The following PCDH15 variants were observed in gnomAD, a reference collection of about 807,000 sequenced individuals.
PCDH15 encodes protocadherin-15.
PCDH15 carries 129 observed loss-of-function variants against 178.5 expected under a neutral mutation model. The ratio of observed to expected loss-of-function variants is 0.72; its 90% confidence interval spans 0.63 to 0.84. The LOEUF is 0.84. Among genes scored for constraint, PCDH15 ranks in the 40% least tolerant of loss-of-function variants. The probability of loss-of-function intolerance (pLI) is 0.00; values close to 1 mark genes in which losing one functional copy is unlikely to be tolerated. For synonymous variants in PCDH15, 800 were observed against 732.0 expected, an observed-to-expected ratio of 1.09 and a Z score of -1.50; for missense variants, 2,230 against 2,099.9, an observed-to-expected ratio of 1.06 and a Z score of -1.21.
chr10:55,041,756 A>C (rs900068581), intron 2 of PCDH15, among the ~76,000 whole-genome samples: 2 of 152,278 alleles, frequency 1.3e-5, no homozygotes, highest in African/African-American at 4.8e-5. Flanking sequence ...TGGTGCCCCA[A>C]TATAATTTTG....
At chr10:54,423,970 T>A (rs7089823) in intron 3 of PCDH15, among the ~76,000 whole-genome samples, 1 of 151,416 alleles carries the variant, frequency 6.6e-6, no homozygotes, top group Admixed American at 6.6e-5. Flanking sequence ...ACTTCATGTC[T>A]AAAGCACCAA....
At chr10:54,019,185 C>A (rs756319911) in intron 20 of PCDH15, among the ~76,000 whole-genome samples, 50 of 151,938 alleles carry the variant, frequency 3.3e-4, no homozygotes, top group South Asian at 1.0e-3. Flanking sequence ...TTTTAAGTTT[C>A]TATTTTCTTC....
At position 55,221,640 on chromosome 10, in the gene PCDH15, A is replaced by G. The variant is rs193057357; in HGVS notation, c.-155-54989T>C. On this transcript the variant is annotated intron_variant, in intron 1 of 5. Coordinates refer to the PCDH15 transcript ENST00000458638. Reference sequence around the variant, plus strand: ...TTAAGCTGAAATCTCATTCAGCTCCAGAATTAATTTCAAGTTACCAGTGTG... The same window carrying G: ...TTAAGCTGAAATCTCATTCAGCTCCGGAATTAATTTCAAGTTACCAGTGTG... Among the ~76,000 whole-genome samples, 679 of 152,176 alleles carry G rather than the reference A, an allele frequency of 4.5e-3. 3 individuals carry two copies. Among genetic ancestry groups the G allele is most frequent in the Non-Finnish European group, 7.6e-3 (514 of 68,018 alleles).
intron 2 of PCDH15, among the ~76,000 whole-genome samples, chr10:55,078,905 T>C (rs1841973754): frequency 6.6e-6 from 1 of 152,136 alleles, no homozygotes; most frequent in Admixed American, 6.6e-5. Context: ...TTACTTCACT[T>C]AGAATAACGA....
chr10:54,337,761 T>C (rs1013571687), intron 6 of PCDH15, among the ~76,000 whole-genome samples: 14 of 152,146 alleles, frequency 9.2e-5, no homozygotes, highest in African/African-American at 2.9e-4. Context: ...AATCAGTGTA[T>C]AGAACAGTCA....
chr10:53,947,377 T>C (rs1425551882), intron 23 of PCDH15, among the ~76,000 whole-genome samples: 1 of 152,186 alleles, frequency 6.6e-6, no homozygotes, highest in East Asian at 1.9e-4. Flanking sequence ...TGTTTGTAAA[T>C]AGATGCTATA....
At chr10:53,876,186 TTTTG>T (rs2080219060) in intron 26 of PCDH15, among the ~76,000 whole-genome samples, 1 of 57,120 alleles carries the variant, frequency 1.8e-5, no homozygotes, top group South Asian at 6.9e-4. Context: ...TTGTTTTTTT[TTTTG>T]TTTTTTTGTT....
chr10:54,028,997 A>T (rs2093213257), intron 18 of PCDH15, among the ~76,000 whole-genome samples: 1 of 152,172 alleles, frequency 6.6e-6, no homozygotes, highest in South Asian at 2.1e-4. Context: ...TTTTAAGGTG[A>T]CTGAGACACA....
At chr10:54,648,567 A>G (rs1022737562) in intron 2 of PCDH15, among the ~76,000 whole-genome samples, 21 of 152,122 alleles carry the variant, frequency 1.4e-4, no homozygotes, top group African/African-American at 4.8e-4. Context: ...TGTGTAACTT[A>G]AATGTAATAA....
At chr10:54,240,365 G>A (rs2055115923) in intron 8 of PCDH15, among the ~76,000 whole-genome samples, 1 of 151,690 alleles carries the variant, frequency 6.6e-6, no homozygotes, top group Non-Finnish European at 1.5e-5. Context: ...AGTATCCAAT[G>A]CTGATGAACA....
chr10:54,761,973 G>A (rs1228742084), intron 1 of PCDH15, among the ~76,000 whole-genome samples: 2 of 152,076 alleles, frequency 1.3e-5, no homozygotes, highest in African/African-American at 2.4e-5. Context: ...ATATGTATAT[G>A]TATCTCCTAA....
At chr10:55,225,352 C>G (rs1281385713) in intron 1 of PCDH15, among the ~76,000 whole-genome samples, 1 of 151,928 alleles carries the variant, frequency 6.6e-6, no homozygotes, top group Non-Finnish European at 1.5e-5. Flanking sequence ...TGCTCCCAAC[C>G]CTCTATTATC....
At position 54,813,424 on chromosome 10, in the gene PCDH15, A is replaced by G. The variant is rs1205247704; in HGVS notation, c.-29+84026T>C. ...CTTGAAACCTTCCACTATTCACTAC[A>G]GTGTACTTGTGGTCTAGCATTCTCC... On this transcript the variant is annotated intron_variant, in intron 3 of 5. Coordinates refer to the PCDH15 transcript ENST00000458638. Among the ~76,000 whole-genome samples the G allele has an allele frequency of 2.0e-5, 3 of 152,156 alleles. No homozygotes were observed. In the East Asian group the frequency reaches 5.8e-4, roughly 29 times the overall value.
chr10:54,358,687 T>C (rs1357465739), intron 5 of PCDH15, among the ~76,000 whole-genome samples: 1 of 152,104 alleles, frequency 6.6e-6, no homozygotes. Context: ...CTAGAAATCA[T>C]GCTGCTGTAA....
chr10:55,559,702 TC>T (rs1842156387), intron 2 of PCDH15, among the ~76,000 whole-genome samples: 1 of 151,996 alleles, frequency 6.6e-6, no homozygotes, highest in South Asian at 2.1e-4. Context: ...TTCTTTTTTT[TC>T]ATGGAGAAAG....
chr10:54,716,301 A>T, intron 1 of PCDH15, among the ~76,000 whole-genome samples: 1 of 152,236 alleles, frequency 6.6e-6, no homozygotes, highest in African/African-American at 2.4e-5. Context: ...TTTTGACCAC[A>T]GGTGGCTCAT....
intron 25 of PCDH15, among the ~76,000 whole-genome samples, chr10:53,924,748 ACT>A (rs1483436578): frequency 2.0e-5 from 3 of 151,970 alleles, no homozygotes; most frequent in Non-Finnish European, 4.4e-5. Context: ...ACCAATCAAC[ACT>A]CTGTATCTAC....
intron 1 of PCDH15, among the ~76,000 whole-genome samples, chr10:55,205,299 A>G (rs1840367270): frequency 6.6e-6 from 1 of 152,080 alleles, no homozygotes; most frequent in Non-Finnish European, 1.5e-5. Flanking sequence ...ATTCTCAATT[A>G]AAGCAATTAT....
chr10:54,400,493 C>T (rs1232014325), intron 3 of PCDH15, among the ~76,000 whole-genome samples: 6 of 151,922 alleles, frequency 3.9e-5, no homozygotes, highest in African/African-American at 7.3e-5. Context: ...GATACTATGT[C>T]ATATATATTT....
Sources: gnomAD v4.1 joint callset for allele counts (sites outside exome capture counted in the v4.1 genomes callset) on GRCh38, gnomAD v4.1.1 for gene constraint, MANE v1.5 for transcripts, NCBI Gene and HGNC (gene_info 2026-07-23, HGNC 2026-07-21) for gene names.